CFAP97: variants seen among roughly 807,000 people sequenced by gnomAD.
CFAP97 encodes cilia- and flagella-associated protein 97.
CFAP97 carries 36 observed loss-of-function variants against 43.1 expected under a neutral mutation model. That is an observed-to-expected ratio of 0.84 (90% confidence interval 0.64 to 1.10). The LOEUF is 1.10. CFAP97 is among the 50% of genes least tolerant of loss of function. The pLI, the probability that CFAP97 is intolerant of heterozygous loss-of-function variation, is 0.00. For synonymous variants in CFAP97, 228 were observed against 225.7 expected (o/e 1.01, Z -0.09); for missense variants, 657 against 620.3 (o/e 1.06, Z -0.63).
At chr4:185,197,055 T>C (rs1307289985) in intron 1 of CFAP97, among the ~76,000 whole-genome samples, 1 of 147,116 alleles carries the variant, frequency 6.8e-6, no homozygotes, top group East Asian at 2.0e-4. Context: ...GCTGATATTT[T>C]GCCACTGCAC....
chr4:185,166,139 A>G (rs1015641342), intron 3 of CFAP97, among the ~76,000 whole-genome samples: 1 of 152,156 alleles, frequency 6.6e-6, no homozygotes, highest in Non-Finnish European at 1.5e-5. Flanking sequence ...CCCAACTAGT[A>G]TTAGTGGTTC....
rs971107794 is a variant in CFAP97 at position 185,162,478 on chromosome 4, T to A, written c.*320A>T. Reference sequence around the variant, plus strand: ...CACAAATTGAAAACTATAGTGACCATCTTGGGTACGACATGCAATGATACT... The same window carrying A: ...CACAAATTGAAAACTATAGTGACCAACTTGGGTACGACATGCAATGATACT... On this transcript the variant is annotated 3_prime_UTR_variant, in exon 5 of 5. Transcript: ENST00000458385. 9 of 292,378 alleles carry A rather than the reference T, an allele frequency of 3.1e-5. No homozygotes were observed. The highest frequency in any genetic ancestry group is 1.0e-4 in the Admixed American group (2 of 19,848). The allele number at this position is 292,378 out of a possible 1,614,324, so 18.1% of individuals were successfully genotyped here. A position where few individuals can be genotyped will look rare whatever the true frequency, so the allele number is the denominator to read the frequency against.
rs1390581646 is a variant in CFAP97 at position 185,190,737 on chromosome 4, G to T, written c.460C>A (p.Pro154Thr). The part of the protein sequence containing the change: ...KYHVKSKSAK[P>T]STNVKKSIRK... ...ATGCTTTTTTTAACGTTAGTAGATG[G>T]TTTAGCGGACTTGGACTTCACATGG... Residue 154 changes from proline (P) to threonine (T), a missense_variant, in exon 2 of 5, where the codon CCA (proline) becomes ACA (threonine). Pro to Thr is a conservative substitution (Grantham distance 38). Transcript: ENST00000458385. The T allele has an allele frequency of 6.3e-7, 1 of 1,583,788 alleles. No homozygotes were observed. The highest frequency in any genetic ancestry group is 1.1e-5 in the South Asian group (1 of 87,540).
rs1560880457 is a variant in CFAP97, at chr4:185,203,933, G to GCTGGCGCACTCCCGCGGCC, written c.-71_-53dup. ...CGGCCACCACAGCCCCACGCGCGGC[G>GCTGGCGCACTCCCGCGGCC]CTGGCGCACTCCCGCGGCCCTGAAC... On this transcript the variant is annotated 5_prime_UTR_variant, in exon 1 of 5. Transcript: ENST00000458385. 4 of 151,634 alleles carry GCTGGCGCACTCCCGCGGCC rather than the reference G, an allele frequency of 2.6e-5. No individual in the cohort carries two copies. The East Asian group carries it at 5.8e-4, about 22-fold the overall frequency. The allele number at this position is 151,634 out of a possible 1,614,324, so 9.4% of individuals were successfully genotyped here.
chr4:185,208,646 T>A (rs974639993), upstream of CFAP97, among the ~76,000 whole-genome samples: 6 of 151,882 alleles, frequency 4.0e-5, no homozygotes, highest in African/African-American at 1.5e-4. Flanking sequence ...GAGAATGGCT[T>A]GAACCCAGGA....
upstream of CFAP97, among the ~76,000 whole-genome samples, chr4:185,205,747 T>C (rs1237166950): frequency 6.6e-6 from 1 of 152,210 alleles, no homozygotes; most frequent in Non-Finnish European, 1.5e-5. Flanking sequence ...AAGAATCGCT[T>C]GAACCCAGGA....
chr4:185,176,068 A>C lies in CFAP97; in HGVS notation c.1055-17T>G, dbSNP rs536319321. 6.7e-5 allele frequency: 103 copies of C among 1,548,302 alleles called. No homozygotes were observed. The highest frequency in any genetic ancestry group is 8.6e-5 in the South Asian group (7 of 81,636). On this transcript the variant is annotated splice_polypyrimidine_tract_variant and intron_variant, in intron 2 of 4. Transcript: ENST00000458385. ...GCAGAAAAGCTACAGAAAAGAACAA[A>C]AAAAAAAGAGAAAATGGCCAAAGTA...
intron 4 of CFAP97, 28 bp downstream of exon 4, chr4:185,164,001 A>C (rs757441624): frequency 1.3e-6 from 2 of 1,591,542 alleles, no homozygotes; most frequent in Non-Finnish European, 1.7e-6. Flanking sequence ...GATACAAATA[A>C]GTATAAAATA....
At chr4:185,184,715 C>T (rs1735940602) in intron 2 of CFAP97, among the ~76,000 whole-genome samples, 1 of 152,092 alleles carries the variant, frequency 6.6e-6, no homozygotes, top group African/African-American at 2.4e-5. Context: ...TTCGGAATTC[C>T]CTTCTTGTAT....
At chr4:185,203,702 A>G (rs2030801) in intron 1 of CFAP97, 196 bp downstream of exon 1, 89,070 of 151,560 alleles carry the variant, frequency 0.59, 26,491 homozygotes, top group Non-Finnish European at 0.65. Flanking sequence ...CCGGGGTGGA[A>G]CGGCGCCGCG....
rs372936990 is a variant in CFAP97, at chr4:185,162,835, C to A, written c.1562G>T (p.Arg521Ile). ...VDPSSGHPRRRPKPPNVRTAW... is the reference protein window; with the variant it reads ...VDPSSGHPRRIPKPPNVRTAW... ...TGTACGGACATTAGGGGGTTTAGGT[C>A]TTCTTCGAGGGTGGCCACTGGAGGG... Residue 521 changes from arginine (R) to isoleucine (I), a missense_variant, in exon 5 of 5, where the codon AGA (arginine) becomes ATA (isoleucine). Physicochemically the swap from Arg to Ile is moderately conservative, Grantham distance 97. Transcript: ENST00000458385. The A allele has an allele frequency of 6.2e-7, 1 of 1,612,718 alleles. No individual in the cohort carries two copies. Among genetic ancestry groups the A allele is most frequent in the African/African-American group, 1.3e-5 (1 of 74,898 alleles).
At chr4:185,207,676 A>G (rs1296762289), upstream of CFAP97, 1 of 152,220 alleles carries the variant, frequency 6.6e-6, no homozygotes, top group Non-Finnish European at 1.5e-5. Flanking sequence ...ACATGGAGTA[A>G]CAACTAAATC....
At chr4:185,164,998 C>T (rs976683837) in intron 3 of CFAP97, among the ~76,000 whole-genome samples, 4 of 152,344 alleles carry the variant, frequency 2.6e-5, no homozygotes, top group Non-Finnish European at 5.9e-5. Flanking sequence ...AGGGAGGGCC[C>T]TCGGGTCTTC....
upstream of CFAP97, among the ~76,000 whole-genome samples, chr4:185,207,337 C>T (rs1737232233): frequency 6.6e-6 from 1 of 151,624 alleles, no homozygotes; most frequent in Non-Finnish European, 1.5e-5. Flanking sequence ...CTGCCTCAGC[C>T]TCCCGAGTAG....
chr4:185,177,933 C>G (rs1560861322), intron 2 of CFAP97, among the ~76,000 whole-genome samples: 1 of 152,090 alleles, frequency 6.6e-6, no homozygotes, highest in African/African-American at 2.4e-5. Flanking sequence ...TGTAACTCTA[C>G]TTCCCTACAT....
intron 3 of CFAP97, among the ~76,000 whole-genome samples, chr4:185,165,935 G>A (rs981174285): frequency 4.0e-5 from 6 of 151,542 alleles, no homozygotes; most frequent in Admixed American, 1.3e-4. Context: ...ACTTAGAAAA[G>A]GGAGAGGAGG....
upstream of CFAP97, among the ~76,000 whole-genome samples, chr4:185,204,954 T>G (rs1172961419): frequency 6.6e-6 from 1 of 152,258 alleles, no homozygotes; most frequent in African/African-American, 2.4e-5. Flanking sequence ...GAATTTGTAG[T>G]AATTTGTTAT....
At chr4:185,172,789 G>C (rs1011776259) in intron 3 of CFAP97, among the ~76,000 whole-genome samples, 2 of 149,858 alleles carry the variant, frequency 1.3e-5, no homozygotes, top group African/African-American at 4.9e-5. Flanking sequence ...TAAGGCAGAA[G>C]GATTGCCTGA....
intron 1 of CFAP97, among the ~76,000 whole-genome samples, chr4:185,203,096 A>G (rs1736966138): frequency 6.6e-6 from 1 of 151,796 alleles, no homozygotes; most frequent in Non-Finnish European, 1.5e-5. Context: ...GGACTTTGGG[A>G]GGCCAAGACA....
Sources: gnomAD v4.1 joint callset for allele counts (sites outside exome capture counted in the v4.1 genomes callset) on GRCh38, gnomAD v4.1.1 for gene constraint, MANE v1.5 for transcripts, NCBI Gene and HGNC (gene_info 2026-07-23, HGNC 2026-07-21) for gene names.